Variants in ABLIM1 observed in about 807,000 individuals in gnomAD.
ABLIM1 encodes the protein actin-binding LIM protein 1.
ABLIM1 carries 40 observed loss-of-function variants against 107.0 expected under a neutral mutation model. The observed-to-expected ratio is 0.37, with a 90% CI of 0.29 to 0.49. ABLIM1 has a LOEUF of 0.49. ABLIM1 is among the 20% of genes least tolerant of loss of function. The pLI is 0.97. For synonymous variants in ABLIM1, 357 were observed against 357.3 expected (o/e 1.00, Z 0.01); for missense variants, 857 against 1,008.5 (o/e 0.85, Z 2.04).
intron 2 of ABLIM1, among the ~76,000 whole-genome samples, chr10:114,601,266 T>G (rs1244654518): frequency 7.3e-6 from 1 of 136,380 alleles, no homozygotes; most frequent in Admixed American, 7.3e-5. Context: ...TCTTTCTTTC[T>G]TTTTTTTTTT....
intron 4 of ABLIM1, among the ~76,000 whole-genome samples, chr10:114,555,217 G>A (rs1259168100): frequency 6.6e-6 from 1 of 152,114 alleles, no homozygotes; most frequent in East Asian, 1.9e-4. Flanking sequence ...TTGCATGTCT[G>A]TTATCTCAGT....
rs551326500 is a variant in ABLIM1, at chr10:114,520,822, A to T, written c.894+24183T>A. On this transcript the variant is annotated intron_variant, in intron 6 of 22. Transcript: ENST00000533213. The stretch of plus-strand genomic sequence containing the variant: ...CCCTGTCTCTAAAAAATAATAATAA[A>T]AAAAAATTAGCTGGGCATGATGGCA... Among the ~76,000 whole-genome samples, 130 of 152,046 alleles carry T rather than the reference A, an allele frequency of 8.6e-4. 1 individual carries two copies. Among genetic ancestry groups the T allele is most frequent in the African/African-American group, 2.4e-3 (99 of 41,474 alleles).
intron 2 of ABLIM1, among the ~76,000 whole-genome samples, chr10:114,585,506 C>T (rs375626975): frequency 5.9e-5 from 9 of 152,266 alleles, no homozygotes; most frequent in African/African-American, 1.9e-4. Flanking sequence ...TAGTTGCTCC[C>T]CTGCCCGATC....
At chr10:114,527,759 G>C (rs2064995261) in intron 6 of ABLIM1, among the ~76,000 whole-genome samples, 1 of 150,300 alleles carries the variant, frequency 6.7e-6, no homozygotes, top group Non-Finnish European at 1.5e-5. Flanking sequence ...CCAACTCCTG[G>C]GTCCAAGCGA....
intron 1 of ABLIM1, among the ~76,000 whole-genome samples, chr10:114,722,406 A>G (rs2081868178): frequency 6.6e-6 from 1 of 152,176 alleles, no homozygotes; most frequent in African/African-American, 2.4e-5. Flanking sequence ...CCATGATCCA[A>G]TCACCTCCCA....
At chr10:114,636,637 G>C (rs994549804) in intron 1 of ABLIM1, among the ~76,000 whole-genome samples, 1 of 152,172 alleles carries the variant, frequency 6.6e-6, no homozygotes, top group African/African-American at 2.4e-5. Context: ...CAAGGCATCT[G>C]GGATTGGCTT....
At chr10:114,676,643 AATTTTATT>A (rs2080500055) in intron 1 of ABLIM1, among the ~76,000 whole-genome samples, 1 of 152,136 alleles carries the variant, frequency 6.6e-6, no homozygotes, top group Non-Finnish European at 1.5e-5. Flanking sequence ...AATTCCTTTA[AATTTTATT>A]GCCAATCTCA....
chr10:114,621,194 T>C (rs892074693), intron 1 of ABLIM1, among the ~76,000 whole-genome samples: 1 of 152,226 alleles, frequency 6.6e-6, no homozygotes, highest in Non-Finnish European at 1.5e-5. Flanking sequence ...CAATCTTCCA[T>C]GACCATCCAA....
intron 1 of ABLIM1, among the ~76,000 whole-genome samples, chr10:114,721,916 G>A (rs2081856815): frequency 6.6e-6 from 1 of 152,106 alleles, no homozygotes. Flanking sequence ...AAAGGCTTGG[G>A]GAAAAAGAAA....
chr10:114,611,328 A>T (rs1050797407), intron 1 of ABLIM1, among the ~76,000 whole-genome samples: 1 of 152,068 alleles, frequency 6.6e-6, no homozygotes, highest in African/African-American at 2.4e-5. Flanking sequence ...TTAGCCAGGC[A>T]TGATGGCAGG....
At chr10:114,504,187 A>G (rs748554812) in intron 6 of ABLIM1, among the ~76,000 whole-genome samples, 2 of 152,280 alleles carry the variant, frequency 1.3e-5, no homozygotes, top group South Asian at 4.2e-4. Flanking sequence ...TTCTTCCCTT[A>G]TCAATTACTT....
chr10:114,464,023 A>G (rs2064541713), intron 12 of ABLIM1, among the ~76,000 whole-genome samples: 1 of 152,176 alleles, frequency 6.6e-6, no homozygotes, highest in African/African-American at 2.4e-5. Flanking sequence ...CAGTAAGGAC[A>G]TGAGCTTTTG....
upstream of ABLIM1, chr10:114,658,300 C>T: frequency 1.3e-6 from 2 of 1,508,008 alleles, no homozygotes; most frequent in South Asian, 1.4e-5. Flanking sequence ...TTACTGTCTC[C>T]TTTTCTCACT....
chr10:114,577,624 C>G (rs2072767354), intron 2 of ABLIM1, among the ~76,000 whole-genome samples: 1 of 152,150 alleles, frequency 6.6e-6, no homozygotes, highest in South Asian at 2.1e-4. Flanking sequence ...CATATAGTAT[C>G]CTTTATTAAT....
intron 6 of ABLIM1, among the ~76,000 whole-genome samples, chr10:114,502,846 T>A (rs1390951666): frequency 1.3e-5 from 2 of 152,200 alleles, no homozygotes; most frequent in Non-Finnish European, 2.9e-5. Context: ...AAATGCAACA[T>A]ACTCTATAAC....
intron 14 of ABLIM1, 148 bp from the exon 15 acceptor site, chr10:114,448,168 C>T (rs2061326533): frequency 1.0e-6 from 1 of 964,956 alleles, no homozygotes; most frequent in Non-Finnish European, 1.5e-6. Context: ...GGCCCAGTCA[C>T]TCAGAGGTAC....
intron 6 of ABLIM1, among the ~76,000 whole-genome samples, chr10:114,533,971 T>C (rs908216764): frequency 6.6e-6 from 1 of 152,138 alleles, no homozygotes; most frequent in Non-Finnish European, 1.5e-5. Flanking sequence ...AGCTACCACA[T>C]CTGGCCCTGG....
chr10:114,456,760 G>A (rs2062892182), intron 12 of ABLIM1, among the ~76,000 whole-genome samples: 1 of 152,160 alleles, frequency 6.6e-6, no homozygotes, highest in Non-Finnish European at 1.5e-5. Context: ...GTTGGCCAGT[G>A]CCTGTAGAAG....
intron 1 of ABLIM1, among the ~76,000 whole-genome samples, chr10:114,669,318 C>A (rs1300776188): frequency 2.0e-5 from 3 of 152,142 alleles, no homozygotes; most frequent in African/African-American, 4.8e-5. Flanking sequence ...GAAAACAAAA[C>A]AAACAAAACA....
Sources: allele counts gnomAD v4.1 joint callset (sites outside exome capture counted in the v4.1 genomes callset), GRCh38; gene constraint gnomAD v4.1.1; transcripts MANE v1.5; gene names NCBI Gene and HGNC (gene_info 2026-07-23, HGNC 2026-07-21).